The following RBFOX1 variants were observed in gnomAD, a reference collection of about 807,000 sequenced individuals.
RBFOX1 encodes the protein RNA binding fox-1 homolog 1.
Under a neutral mutation model 57.7 loss-of-function variants are expected in RBFOX1, and 8 were observed. That is an observed-to-expected ratio of 0.14 (90% CI 0.08 to 0.25). The LOEUF is 0.25. RBFOX1 is among the 10% of genes least tolerant of loss of function. RBFOX1 has a pLI of 1.00. For missense variants in RBFOX1, 611 were observed against 548.5 expected (o/e 1.11, Z -1.14); for synonymous variants, 326 against 222.4 (o/e 1.47, Z -4.15).
chr16:5,288,933 C>A (rs967630453), intron 1 of RBFOX1, among the ~76,000 whole-genome samples: 2 of 151,990 alleles, frequency 1.3e-5, no homozygotes, highest in African/African-American at 4.8e-5. Flanking sequence ...GAGACCATTG[C>A]GGCCAACATG....
chr16:6,075,894 G>A (rs1013502981), intron 1 of RBFOX1, among the ~76,000 whole-genome samples: 1 of 152,148 alleles, frequency 6.6e-6, no homozygotes, highest in Non-Finnish European at 1.5e-5. Context: ...ATTGTGCACT[G>A]TCTCATTTAA....
intron 1 of RBFOX1, among the ~76,000 whole-genome samples, chr16:5,323,315 C>T (rs1465719833): frequency 6.6e-6 from 1 of 152,238 alleles, no homozygotes; most frequent in Non-Finnish European, 1.5e-5. Flanking sequence ...TCCTCCCCTT[C>T]CTCTTTTACC....
chr16:7,670,695 G>A (rs1013440027), intron 13 of RBFOX1, among the ~76,000 whole-genome samples: 2 of 152,184 alleles, frequency 1.3e-5, no homozygotes, highest in Non-Finnish European at 1.5e-5. Flanking sequence ...AACTGGAAAG[G>A]CAGGCTATGT....
At chr16:6,709,906 C>T (rs148892797) in intron 3 of RBFOX1, among the ~76,000 whole-genome samples, 3 of 152,158 alleles carry the variant, frequency 2.0e-5, no homozygotes, top group African/African-American at 7.2e-5. Context: ...CCAGATGGAT[C>T]GCTGTTCTAA....
chr16:6,702,629 G>A (rs1365811831), intron 3 of RBFOX1, among the ~76,000 whole-genome samples: 4 of 152,060 alleles, frequency 2.6e-5, no homozygotes, highest in Non-Finnish European at 5.9e-5. Flanking sequence ...GACTAAATGA[G>A]GTCATACTTC....
At chr16:6,825,992 C>T (rs189230713) in intron 3 of RBFOX1, among the ~76,000 whole-genome samples, 1 of 152,148 alleles carries the variant, frequency 6.6e-6, no homozygotes, top group African/African-American at 2.4e-5. Context: ...AAATGTTGAA[C>T]CTTCTTTACA....
Position 6,382,461 on chromosome 16 carries a change from G to A in RBFOX1, c.-64+65404G>A, listed in dbSNP as rs531864457. Among the ~76,000 whole-genome samples the A allele has an allele frequency of 4.6e-5, 7 of 152,320 alleles. No individual in the cohort carries two copies. In the East Asian group the frequency reaches 1.4e-3, roughly 29 times the overall value. On this transcript the variant is annotated intron_variant, in intron 2 of 15. Transcript: ENST00000550418. ...TTTGGTATCGGTAGGTCTTCATCCT[G>A]CTCCTAATGCATAGTGTGACCTGGA...
chr16:7,455,885 T>A (rs571176277), intron 4 of RBFOX1, among the ~76,000 whole-genome samples: 1 of 151,980 alleles, frequency 6.6e-6, no homozygotes, highest in East Asian at 1.9e-4. Flanking sequence ...CACTGTGATG[T>A]CTAAGATTCA....
chr16:5,532,146 T>A (rs1458359491), intron 2 of RBFOX1, among the ~76,000 whole-genome samples: 1 of 152,172 alleles, frequency 6.6e-6, no homozygotes, highest in East Asian at 1.9e-4. Flanking sequence ...ACTATTGATG[T>A]GGCAGCGGGG....
chr16:5,458,741 A>T (rs754930667), intron 1 of RBFOX1, among the ~76,000 whole-genome samples: 37 of 152,238 alleles, frequency 2.4e-4, no homozygotes, highest in Non-Finnish European at 3.5e-4. Context: ...GGAGAATATA[A>T]CAAAACTTAA....
intron 3 of RBFOX1, among the ~76,000 whole-genome samples, chr16:6,968,513 G>C (rs889231119): frequency 1.3e-5 from 2 of 152,110 alleles, no homozygotes; most frequent in African/African-American, 4.8e-5. Flanking sequence ...TCCCATAGCC[G>C]TTTCCTGAGA....
chr16:5,752,774 A>C (rs1340246219), intron 3 of RBFOX1, among the ~76,000 whole-genome samples: 1 of 152,088 alleles, frequency 6.6e-6, no homozygotes, highest in African/African-American at 2.4e-5. Context: ...AGGACTTCAT[A>C]CTCACTCCTC....
At chr16:7,114,096 C>G (rs2065360650) in intron 4 of RBFOX1, among the ~76,000 whole-genome samples, 1 of 152,134 alleles carries the variant, frequency 6.6e-6, no homozygotes, top group African/African-American at 2.4e-5. Flanking sequence ...CAGACTTGGG[C>G]TATTTTAAGA....
chr16:6,286,111 A>G (rs1567852679), intron 1 of RBFOX1, among the ~76,000 whole-genome samples: 2 of 152,122 alleles, frequency 1.3e-5, no homozygotes, highest in South Asian at 4.1e-4. Flanking sequence ...GAAATGCTGA[A>G]ATATGTTTCA....
intron 3 of RBFOX1, among the ~76,000 whole-genome samples, chr16:7,001,183 G>T (rs1320704366): frequency 6.6e-6 from 1 of 152,088 alleles, no homozygotes; most frequent in Non-Finnish European, 1.5e-5. Context: ...TTCCAAAGGA[G>T]ACTAATGATC....
At chr16:6,806,839 T>A (rs575938242) in intron 3 of RBFOX1, among the ~76,000 whole-genome samples, 11,298 of 107,874 alleles carry the variant, frequency 0.1, 483 homozygotes, top group Non-Finnish European at 0.14. Flanking sequence ...TATATATATT[T>A]TTTTTTTTTT....
intron 3 of RBFOX1, among the ~76,000 whole-genome samples, chr16:5,666,212 G>A (rs557053542): frequency 3.3e-5 from 5 of 152,332 alleles, no homozygotes; most frequent in Admixed American, 6.5e-5. Flanking sequence ...GCAGTTCTTC[G>A]CAGAGCGCGG....
chr16:6,947,376 C>T (rs2079760809), intron 3 of RBFOX1, among the ~76,000 whole-genome samples: 1 of 152,312 alleles, frequency 6.6e-6, no homozygotes, highest in Middle Eastern at 3.4e-3. Flanking sequence ...CCTTTTGCAT[C>T]TTAATCGCTC....
At chr16:6,191,028 A>T (rs2097138319) in intron 1 of RBFOX1, among the ~76,000 whole-genome samples, 1 of 151,786 alleles carries the variant, frequency 6.6e-6, no homozygotes, top group South Asian at 2.1e-4. Context: ...TTTGACCTTG[A>T]CAGCCAAGGT....
Sources: allele counts gnomAD v4.1 joint callset (sites outside exome capture counted in the v4.1 genomes callset), GRCh38; gene constraint gnomAD v4.1.1; transcripts MANE v1.5; gene names NCBI Gene and HGNC (gene_info 2026-07-23, HGNC 2026-07-21).